The following L3MBTL1 variants were observed in gnomAD, a reference collection of about 807,000 sequenced individuals.
The protein encoded by L3MBTL1 is lethal(3)malignant brain tumor-like protein 1.
L3MBTL1 carries 75 observed loss-of-function variants against 105.3 expected under a neutral mutation model. That is an observed-to-expected ratio of 0.71 (90% CI 0.59 to 0.86). The LOEUF (loss-of-function observed/expected upper bound fraction) is 0.86, where lower values mean the gene tolerates loss of function less well. Among genes scored for constraint, L3MBTL1 ranks in the 40% least tolerant of loss-of-function variants. The pLI, the probability that L3MBTL1 is intolerant of heterozygous loss-of-function variation, is 0.00. For missense variants in L3MBTL1, 1,069 were observed against 1,126.4 expected, an observed-to-expected ratio of 0.95 and a Z score of 0.73; for synonymous variants, 452 against 436.2, an observed-to-expected ratio of 1.04 and a Z score of -0.45.
intron 16 of L3MBTL1, 103 bp downstream of exon 16, chr20:43,535,045 C>A: frequency 1.4e-6 from 1 of 731,218 alleles, no homozygotes; most frequent in Non-Finnish European, 2.3e-6. Context: ...AAATATGACA[C>A]AGAGGGCTCT....
chr20:43,507,697 G>C lies in L3MBTL1; in HGVS notation c.-76G>C, dbSNP rs1263782189. On this transcript the variant is annotated 5_prime_UTR_variant, in exon 1 of 22. Transcript: ENST00000418998. ...CCGAACGCGCAGGCGCGCGGCGCCCGGCTCGGACCGTAGCTAGGCGCTGGG... is the reference window on the plus strand; with the variant it reads ...CCGAACGCGCAGGCGCGCGGCGCCCCGCTCGGACCGTAGCTAGGCGCTGGG... 1 of 152,090 alleles carries C rather than the reference G, an allele frequency of 6.6e-6. No homozygotes were observed. The highest frequency in any genetic ancestry group is 2.1e-4 in the South Asian group (1 of 4,838). The allele number at this position is 152,090 out of a possible 1,614,324, so 9.4% of individuals were successfully genotyped here.
chr20:43,547,293 G>A (rs1474643227), intron 18 of L3MBTL1, among the ~76,000 whole-genome samples: 9 of 151,774 alleles, frequency 5.9e-5, no homozygotes, highest in African/African-American at 2.2e-4. Flanking sequence ...TTTAGTAGAA[G>A]CGGGGTTTCA....
At chr20:43,524,010 A>AG (rs2018882873) in intron 7 of L3MBTL1, among the ~76,000 whole-genome samples, 1 of 151,154 alleles carries the variant, frequency 6.6e-6, no homozygotes, top group African/African-American at 2.4e-5. Context: ...AAAAAAAAAA[A>AG]GAAACAGGAT....
In L3MBTL1 at chr20:43,516,090, CAGG is replaced by C. The variant is rs1190577729; in HGVS notation, c.778_780del (p.Glu260del). The C allele has an allele frequency of 2.5e-6, 4 of 1,611,980 alleles. No individual in the cohort carries two copies. The highest frequency in any genetic ancestry group is 3.4e-6 in the Non-Finnish European group (4 of 1,178,184). Reference sequence around the variant, plus strand: ...AAGCTGGGATCAGGCTTGCCTTCTACAGGAGAAGCAAGAAGAAGGAAAGGACCC... The same window carrying C: ...AAGCTGGGATCAGGCTTGCCTTCTACAGAAGCAAGAAGAAGGAAAGGACCC... On this transcript the variant is annotated splice_acceptor_variant and coding_sequence_variant, in exon 7 of 22. Transcript: ENST00000418998. LOFTEE classifies it high-confidence loss of function.
At chr20:43,546,684 G>A (rs760052322), downstream of L3MBTL1, among the ~76,000 whole-genome samples, 10 of 152,152 alleles carry the variant, frequency 6.6e-5, no homozygotes, top group Middle Eastern at 3.4e-3. Flanking sequence ...ATTCTATCCT[G>A]TCCTCCACAA....
At chr20:43,548,015 C>T in intron 18 of L3MBTL1, 1 of 714,866 alleles carries the variant, frequency 1.4e-6, no homozygotes, top group Non-Finnish European at 2.0e-6. Context: ...TACTCCCCTC[C>T]CCCATTCCCC....
chr20:43,543,356 G>A (rs1978349584), downstream of L3MBTL1, among the ~76,000 whole-genome samples: 1 of 152,178 alleles, frequency 6.6e-6, no homozygotes, highest in African/African-American at 2.4e-5. Flanking sequence ...TTGACCACAG[G>A]TCTTCGAATG....
chr20:43,514,837 C>A, intron 4 of L3MBTL1, 61 bp downstream of exon 4: 1 of 1,478,914 alleles, frequency 6.8e-7, no homozygotes, highest in South Asian at 1.3e-5. Context: ...GAGGCCTGAG[C>A]CCCAGAAGGT....
intron 17 of L3MBTL1, 22 bp downstream of exon 17, chr20:43,535,958 G>A (rs1392718626): frequency 6.2e-7 from 1 of 1,603,372 alleles, no homozygotes. Flanking sequence ...TTCCTGGTGA[G>A]AGACCCTCAG....
intron 8 of L3MBTL1, 150 bp from the exon 9 acceptor site, chr20:43,529,114 C>T (rs908569224): frequency 1.6e-6 from 1 of 639,232 alleles, no homozygotes; most frequent in Non-Finnish European, 2.8e-6. Flanking sequence ...CTCTCTCTCT[C>T]TAGATCCCTG....
At chr20:43,518,400 C>CG (rs1473295481) in intron 7 of L3MBTL1, among the ~76,000 whole-genome samples, 2 of 152,116 alleles carry the variant, frequency 1.3e-5, no homozygotes, top group African/African-American at 4.8e-5. Context: ...CTAGTGCTGA[C>CG]GGAGTGCTCC....
intron 7 of L3MBTL1, among the ~76,000 whole-genome samples, chr20:43,520,217 A>G (rs929805300): frequency 5.3e-5 from 8 of 152,212 alleles, no homozygotes; most frequent in African/African-American, 1.2e-4. Context: ...CAAGGTTTAC[A>G]TATTTTAGGC....
chr20:43,533,344 G>A lies in L3MBTL1; in HGVS notation c.1439G>A (p.Cys480Tyr), dbSNP rs554990781. ...DNWDDTYDYW[C>Y]DPSSPYIHPV... The stretch of plus-strand genomic sequence containing the variant: ...AGTGACATGTTCTTGGATTTCAGGT[G>A]TGATCCCAGCAGCCCCTACATCCAC... The change falls in exon 13 of 22, where the codon TGT (cysteine) becomes TAT (tyrosine). Residue 480 changes from cysteine (C) to tyrosine (Y), a missense_variant and splice_region_variant. Cys to Tyr is a radical substitution (Grantham distance 194). Transcript: ENST00000418998. The A allele has an allele frequency of 1.2e-6, 2 of 1,613,736 alleles. No homozygotes were observed. Among genetic ancestry groups the A allele is most frequent in the East Asian group, 2.2e-5 (1 of 44,856 alleles).
At chr20:43,537,969 C>T (rs1401698395) in intron 19 of L3MBTL1, among the ~76,000 whole-genome samples, 1 of 152,166 alleles carries the variant, frequency 6.6e-6, no homozygotes, top group Admixed American at 6.5e-5. Context: ...TCGTACCCAC[C>T]GTATGATGTG....
At chr20:43,533,973 G>T (rs1480434928) in intron 13 of L3MBTL1, 35 bp from the exon 14 acceptor site, 1 of 1,498,432 alleles carries the variant, frequency 6.7e-7, no homozygotes, top group Non-Finnish European at 9.3e-7. Context: ...CAGTACACCT[G>T]GGTGGCTAGA....
At position 43,532,931 on chromosome 20, in the gene L3MBTL1, G is replaced by C; in HGVS notation, c.1436+7G>C. ...ATGATACTTATGACTACTGGTAGTA[G>C]GAGGGCCCAGACTTGGCCTCAGGGG... is the stretch of plus-strand genomic sequence containing the variant. On this transcript the variant is annotated splice_region_variant and intron_variant, in intron 12 of 21. Coordinates refer to ENST00000418998, the MANE Select transcript of L3MBTL1 (RefSeq NM_001377303.1). 1 of 1,614,102 alleles carries C rather than the reference G, an allele frequency of 6.2e-7. No individual in the cohort carries two copies. The highest frequency in any genetic ancestry group is 8.5e-7 in the Non-Finnish European group (1 of 1,180,010).
intron 7 of L3MBTL1, among the ~76,000 whole-genome samples, chr20:43,516,905 A>C (rs1447720920): frequency 6.6e-6 from 1 of 151,738 alleles, no homozygotes; most frequent in Non-Finnish European, 1.5e-5. Context: ...GCAGTCTTCC[A>C]CTTCAACCTC....
chr20:43,508,060 T>A (rs903051659), intron 1 of L3MBTL1, among the ~76,000 whole-genome samples: 32 of 151,814 alleles, frequency 2.1e-4, no homozygotes, highest in African/African-American at 7.0e-4. Context: ...CAATTAAGAG[T>A]TTTTTTATTA....
downstream of L3MBTL1, among the ~76,000 whole-genome samples, chr20:43,542,472 T>A (rs2019953841): frequency 6.6e-6 from 1 of 152,050 alleles, no homozygotes; most frequent in Non-Finnish European, 1.5e-5. Context: ...TTAATTGAGA[T>A]AAAATGCCTA....
Sources: gnomAD v4.1 joint callset for allele counts (sites outside exome capture counted in the v4.1 genomes callset) on GRCh38, gnomAD v4.1.1 for gene constraint, MANE v1.5 for transcripts, NCBI Gene and HGNC (gene_info 2026-07-23, HGNC 2026-07-21) for gene names.